Variants in NUBPL observed in about 807,000 individuals in gnomAD.
NUBPL encodes iron-sulfur cluster transfer protein NUBPL.
NUBPL carries 31 observed loss-of-function variants against 45.7 expected under a neutral mutation model. That is an observed-to-expected ratio of 0.68 (90% CI 0.51 to 0.92). NUBPL has a LOEUF of 0.92. Among genes scored for constraint, NUBPL ranks in the 40% least tolerant of loss-of-function variants. NUBPL has a pLI of 0.00. For synonymous variants in NUBPL, 144 were observed against 140.9 expected, an observed-to-expected ratio of 1.02 and a Z score of -0.15; for missense variants, 401 against 398.7, an observed-to-expected ratio of 1.01 and a Z score of -0.05.
rs529184771 is a variant in NUBPL at position 31,714,115 on chromosome 14, C to A, written c.513+40541C>A. Among the ~76,000 whole-genome samples, 38 of 152,224 alleles carry A rather than the reference C, an allele frequency of 2.5e-4. No individual in the cohort carries two copies. The South Asian group carries it at 7.5e-3, about 30-fold the overall frequency. ...CTGAGTGTGGCCATGTGAACCAGTTCTAACCAATGAGACACAAGGAACAGT... is the reference window on the plus strand; with the variant it reads ...CTGAGTGTGGCCATGTGAACCAGTTATAACCAATGAGACACAAGGAACAGT... On this transcript the variant is annotated intron_variant, in intron 6 of 10. Coordinates refer to ENST00000281081, the MANE Select transcript of NUBPL (RefSeq NM_025152.3).
intron 6 of NUBPL, among the ~76,000 whole-genome samples, chr14:31,703,805 A>G (rs2037388487): frequency 1.3e-5 from 2 of 152,214 alleles, no homozygotes; most frequent in African/African-American, 2.4e-5. Flanking sequence ...CAATCGCCCA[A>G]TACCTGAGAT....
intron 10 of NUBPL, among the ~76,000 whole-genome samples, chr14:31,857,931 G>A (rs113119431): frequency 6.6e-6 from 1 of 152,100 alleles, no homozygotes; most frequent in African/African-American, 2.4e-5. Flanking sequence ...ACATTTTCGG[G>A]TATCTTTTCA....
At chr14:31,755,528 C>T (rs571326619) in intron 6 of NUBPL, among the ~76,000 whole-genome samples, 31 of 151,794 alleles carry the variant, frequency 2.0e-4, no homozygotes, top group East Asian at 9.7e-4. Flanking sequence ...GTCCTTCGCC[C>T]ACTTTTTGAT....
intron 4 of NUBPL, among the ~76,000 whole-genome samples, chr14:31,646,342 A>G (rs1383258235): frequency 1.3e-5 from 2 of 151,846 alleles, no homozygotes; most frequent in Non-Finnish European, 2.9e-5. Flanking sequence ...ACCCGCCCCC[A>G]CGCCTGGCTA....
chr14:31,607,089 T>C (rs1310139085), intron 4 of NUBPL, among the ~76,000 whole-genome samples: 2 of 152,056 alleles, frequency 1.3e-5, no homozygotes, highest in African/African-American at 4.8e-5. Flanking sequence ...GTTTAGAAAC[T>C]TAACTAGCTG....
Position 31,820,139 on chromosome 14 carries a change from C to CAAAAAA in NUBPL, c.608-6481_608-6476dup, listed in dbSNP as rs59044182. ...TGGGCAACAGAGCGAGACTCCATCT[C>CAAAAAA]AAAAAAAAAAAAAAGAAAAAGAAAA... On this transcript the variant is annotated intron_variant, in intron 7 of 10. Coordinates refer to ENST00000281081, the MANE Select transcript of NUBPL (RefSeq NM_025152.3). 1.0e-3 allele frequency among the ~76,000 whole-genome samples: 115 copies of CAAAAAA among 111,556 alleles called. 1 individual carries two copies. The highest frequency in any genetic ancestry group is 2.8e-3 in the African/African-American group (77 of 27,412). The allele number at this position is 111,556 out of a possible 152,430, so 73.2% of individuals were successfully genotyped here.
At chr14:31,709,743 G>A (rs1045490972) in intron 6 of NUBPL, among the ~76,000 whole-genome samples, 1 of 152,128 alleles carries the variant, frequency 6.6e-6, no homozygotes, top group Admixed American at 6.5e-5. Context: ...ACCCAGGTTG[G>A]GCCAAATTCC....
chr14:31,625,032 C>T (rs1300479100), intron 4 of NUBPL, among the ~76,000 whole-genome samples: 2 of 152,098 alleles, frequency 1.3e-5, no homozygotes, highest in African/African-American at 4.8e-5. Context: ...CATGATTAGA[C>T]AACATAACCC....
At chr14:31,756,307 C>T (rs1481733218) in intron 6 of NUBPL, among the ~76,000 whole-genome samples, 4 of 152,082 alleles carry the variant, frequency 2.6e-5, no homozygotes, top group African/African-American at 4.8e-5. Context: ...GTCATTTTCA[C>T]GATATTGATT....
intron 2 of NUBPL, chr14:31,562,857 C>G (rs746021588): frequency 3.2e-5 from 5 of 154,074 alleles, no homozygotes; most frequent in Non-Finnish European, 7.3e-5. Context: ...ATCCGCCCGC[C>G]TAGCCCTCCC....
intron 7 of NUBPL, among the ~76,000 whole-genome samples, chr14:31,793,846 T>TTA (rs2039432175): frequency 7.6e-6 from 1 of 132,024 alleles, no homozygotes; most frequent in African/African-American, 3.5e-5. Context: ...TTTTTATTTT[T>TTA]TTTTTTATTT....
chr14:31,618,551 A>C (rs2034973263), intron 4 of NUBPL, among the ~76,000 whole-genome samples: 1 of 152,226 alleles, frequency 6.6e-6, no homozygotes, highest in Non-Finnish European at 1.5e-5. Context: ...GTAGTCATTC[A>C]GGAGCAGGTT....
At chr14:31,601,560 C>G (rs920680937) in intron 4 of NUBPL, among the ~76,000 whole-genome samples, 1 of 152,038 alleles carries the variant, frequency 6.6e-6, no homozygotes, top group Non-Finnish European at 1.5e-5. Flanking sequence ...CAAACAACCC[C>G]ATCAAAAAGT....
rs778595334 is a variant in NUBPL, at chr14:31,816,215, A to G, written c.608-10414A>G. 2.6e-4 allele frequency among the ~76,000 whole-genome samples: 40 copies of G among 151,862 alleles called. 1 individual carries two copies. The highest frequency in any genetic ancestry group is 1.3e-4 in the Admixed American group (2 of 15,226). On this transcript the variant is annotated intron_variant, in intron 7 of 10. Coordinates refer to ENST00000281081, the MANE Select transcript of NUBPL (RefSeq NM_025152.3). ...AACTACTGCCTCAGTTTCAGAACTT[A>G]CTGGTCTATTCAGGGATTCAACTTT...
chr14:31,624,448 G>A (rs2035151777), intron 4 of NUBPL, among the ~76,000 whole-genome samples: 1 of 152,208 alleles, frequency 6.6e-6, no homozygotes, highest in South Asian at 2.1e-4. Context: ...ATACACATTT[G>A]TGAGTTAGCA....
In NUBPL at chr14:31,719,253, A is replaced by G. The variant is rs543297621; in HGVS notation, c.513+45679A>G. On this transcript the variant is annotated intron_variant, in intron 6 of 10. Transcript: ENST00000281081. The stretch of plus-strand genomic sequence containing the variant: ...GTCACCAGTCCAGGAAAAGATAAAG[A>G]TTCAAAATTTGAAGTATAATTTCTA... Among the ~76,000 whole-genome samples the G allele has an allele frequency of 2.6e-5, 4 of 152,304 alleles. No individual in the cohort carries two copies. The East Asian group carries it at 5.8e-4, about 22-fold the overall frequency.
chr14:31,829,241 C>G (rs2040152531), intron 8 of NUBPL, among the ~76,000 whole-genome samples: 2 of 152,016 alleles, frequency 1.3e-5, no homozygotes, highest in Non-Finnish European at 2.9e-5. Context: ...TGGACATCTT[C>G]CTGTATCTTT....
At position 31,741,236 on chromosome 14, in the gene NUBPL, T is replaced by C. The variant is rs953351331; in HGVS notation, c.514-46544T>C. On this transcript the variant is annotated intron_variant, in intron 6 of 10. Transcript: ENST00000281081. The stretch of plus-strand genomic sequence containing the variant: ...CTTTAAATAGGTTTTTAGTAAGGTA[T>C]GGGCAAGTGCAGGGGGCAGGGGGAA... 3.9e-5 allele frequency among the ~76,000 whole-genome samples: 6 copies of C among 152,296 alleles called. No individual in the cohort carries two copies. In the East Asian group the frequency reaches 1.2e-3, roughly 29 times the overall value.
chr14:31,803,687 A>G (rs570055630), intron 7 of NUBPL, among the ~76,000 whole-genome samples: 2 of 152,320 alleles, frequency 1.3e-5, no homozygotes, highest in South Asian at 4.1e-4. Flanking sequence ...TGCATGATGT[A>G]GAAAGAGTTA....
Sources: gnomAD v4.1 joint callset for allele counts (sites outside exome capture counted in the v4.1 genomes callset) on GRCh38, gnomAD v4.1.1 for gene constraint, MANE v1.5 for transcripts, NCBI Gene and HGNC (gene_info 2026-07-23, HGNC 2026-07-21) for gene names.